Variants in TTBK2 observed in about 807,000 individuals in gnomAD.
TTBK2 encodes tau-tubulin kinase 2.
TTBK2 carries 28 observed loss-of-function variants against 110.8 expected under a neutral mutation model. That is an observed-to-expected ratio of 0.25 (90% CI 0.19 to 0.35). TTBK2 has a LOEUF of 0.35. Ranked by LOEUF, TTBK2 falls within the 10% of genes least tolerant of loss-of-function variation. TTBK2 has a pLI of 1.00. For synonymous variants in TTBK2, 532 were observed against 527.3 expected, an observed-to-expected ratio of 1.01 and a Z score of -0.12; for missense variants, 1,369 against 1,500.3, an observed-to-expected ratio of 0.91 and a Z score of 1.45.
chr15:42,816,085 A>AAT (rs71431870), intron 7 of TTBK2, among the ~76,000 whole-genome samples: 5,337 of 67,302 alleles, frequency 0.079, 227 homozygotes, highest in Non-Finnish European at 0.093. Flanking sequence ...TAAATAAATA[A>AAT]ATATATATAT....
intron 3 of TTBK2, among the ~76,000 whole-genome samples, chr15:42,864,575 A>G (rs1474632958): frequency 1.3e-5 from 2 of 151,220 alleles, no homozygotes; most frequent in African/African-American, 4.9e-5. Context: ...TAAGAACGAA[A>G]CTCCATCTCA....
chr15:42,805,876 G>A (rs1595931233), intron 9 of TTBK2, among the ~76,000 whole-genome samples: 1 of 152,214 alleles, frequency 6.6e-6, no homozygotes, highest in South Asian at 2.1e-4. Flanking sequence ...TATGGGCAGA[G>A]CCTGGATTTT....
chr15:42,865,575 C>T (rs1894342082), intron 3 of TTBK2, among the ~76,000 whole-genome samples: 1 of 150,868 alleles, frequency 6.6e-6, no homozygotes, highest in Non-Finnish European at 1.5e-5. Context: ...GTAATCCCAG[C>T]ACTTTGTGAG....
intron 13 of TTBK2, 96 bp from the exon 14 acceptor site, chr15:42,753,343 G>C (rs1777424694): frequency 7.7e-6 from 10 of 1,299,602 alleles, no homozygotes; most frequent in Non-Finnish European, 1.1e-5. Flanking sequence ...TAATTTATAG[G>C]AAGAACACAG....
chr15:42,864,369 G>T (rs977584366), intron 3 of TTBK2, among the ~76,000 whole-genome samples: 4 of 152,138 alleles, frequency 2.6e-5, no homozygotes, highest in Non-Finnish European at 5.9e-5. Flanking sequence ...CAGATCACCT[G>T]AAGTCAGGAG....
At chr15:42,790,782 C>G (rs1478179552) in intron 10 of TTBK2, among the ~76,000 whole-genome samples, 1 of 152,144 alleles carries the variant, frequency 6.6e-6, no homozygotes, top group East Asian at 1.9e-4. Context: ...TCACTGCAAC[C>G]TCTGCCTCAC....
rs567147899 is a variant in TTBK2 at position 42,802,929 on chromosome 15, C to T, written c.822+7685G>A. ...GAAAAATGTGAAAAGGTGAGGCTGG[C>T]GTAGCCTCCCAGCCTACATCTTTCT... is the stretch of plus-strand genomic sequence containing the variant. On this transcript the variant is annotated intron_variant, in intron 9 of 14. Transcript: ENST00000267890. Among the ~76,000 whole-genome samples the T allele has an allele frequency of 4.5e-4, 69 of 152,260 alleles. 1 individual carries two copies. The highest frequency in any genetic ancestry group is 1.5e-3 in the African/African-American group (61 of 41,556).
intron 3 of TTBK2, among the ~76,000 whole-genome samples, chr15:42,861,134 G>T (rs113221941): frequency 0.016 from 2,429 of 152,150 alleles, 30 homozygotes; most frequent in South Asian, 0.025. Context: ...CCTATGAAAA[G>T]ACTTAGCCCC....
At chr15:42,852,539 C>A (rs774525753) in intron 3 of TTBK2, among the ~76,000 whole-genome samples, 2 of 152,184 alleles carry the variant, frequency 1.3e-5, no homozygotes, top group African/African-American at 4.8e-5. Flanking sequence ...GTTCTTTGTG[C>A]ATATGGAGCA....
intron 1 of TTBK2, among the ~76,000 whole-genome samples, chr15:42,899,072 A>C (rs1895779305): frequency 6.6e-6 from 1 of 152,104 alleles, no homozygotes; most frequent in East Asian, 1.9e-4. Context: ...AGCTCTCTGA[A>C]AACTCCACCT....
chr15:42,776,816 C>T lies in TTBK2; in HGVS notation c.1409+215G>A, dbSNP rs11854550. 112,834 of 605,500 alleles carry T rather than the reference C, an allele frequency of 0.19. 11,130 individuals carry two copies. The highest frequency in any genetic ancestry group is 0.29 in the Admixed American group (9,299 of 32,608). 37.5% of individuals were successfully genotyped at this position (605,500 alleles called of 1,614,324 possible). Reference sequence around the variant, plus strand: ...CTGCTCAGCTTCCAAAGCCAAAGGACATGCTATAGAATTTATAATAATTAA... The same window carrying T: ...CTGCTCAGCTTCCAAAGCCAAAGGATATGCTATAGAATTTATAATAATTAA... On this transcript the variant is annotated intron_variant, in intron 12 of 14. Transcript: ENST00000267890.
chr15:42,783,640 A>C lies in TTBK2; in HGVS notation c.981-5T>G. 6.2e-7 allele frequency: 1 copy of C among 1,609,520 alleles called. No homozygotes were observed. The highest frequency in any genetic ancestry group is 8.5e-7 in the Non-Finnish European group (1 of 1,175,878). Reference sequence around the variant, plus strand: ...ATGGGAGTAGCATTGGCAATTCTACATATGAAGGGAGAAAAAAAAGGCAAG... The same window carrying C: ...ATGGGAGTAGCATTGGCAATTCTACCTATGAAGGGAGAAAAAAAAGGCAAG... On this transcript the variant is annotated splice_region_variant and splice_polypyrimidine_tract_variant and intron_variant, in intron 10 of 14. Transcript: ENST00000267890.
intron 10 of TTBK2, among the ~76,000 whole-genome samples, chr15:42,792,502 C>G (rs972095654): frequency 6.6e-6 from 1 of 152,138 alleles, no homozygotes; most frequent in Non-Finnish European, 1.5e-5. Context: ...AATTCATCAT[C>G]TGATCTATCA....
chr15:42,763,905 T>C (rs1165639140), intron 13 of TTBK2, among the ~76,000 whole-genome samples: 1 of 152,348 alleles, frequency 6.6e-6, no homozygotes, highest in East Asian at 1.9e-4. Flanking sequence ...TCACTCATTA[T>C]TGAAAGTTTA....
chr15:42,871,391 C>A (rs773616784), intron 3 of TTBK2: 2 of 963,166 alleles, frequency 2.1e-6, no homozygotes, highest in Non-Finnish European at 2.5e-6. Flanking sequence ...AAACCATACA[C>A]AAAATAAGCA....
chr15:42,764,275 T>C (rs1889248380), intron 13 of TTBK2, among the ~76,000 whole-genome samples: 1 of 152,060 alleles, frequency 6.6e-6, no homozygotes, highest in African/African-American at 2.4e-5. Context: ...GTCCAGCCCA[T>C]GGAGGGCAAG....
At chr15:42,894,886 T>C (rs1346279164) in intron 1 of TTBK2, among the ~76,000 whole-genome samples, 3 of 152,184 alleles carry the variant, frequency 2.0e-5, no homozygotes, top group African/African-American at 7.2e-5. Context: ...TGGTTTATCC[T>C]GGGGATGCAA....
chr15:42,758,043 T>A (rs1348423078), intron 13 of TTBK2, among the ~76,000 whole-genome samples: 1 of 152,224 alleles, frequency 6.6e-6, no homozygotes, highest in African/African-American at 2.4e-5. Context: ...CCAACTACCA[T>A]TTGCATTTTA....
rs768354393 is a variant in TTBK2 at position 42,811,767 on chromosome 15, T to C, written c.617A>G (p.His206Arg). Residue 206 changes from histidine to arginine, a missense_variant, in exon 8 of 15, where the codon CAT (histidine) becomes CGT (arginine). By Grantham distance (29) the His-to-Arg change is conservative. This residue lies in a region of TTBK2 where 138 missense variants were observed against 179.0 expected (regional missense o/e 0.77). Transcript: ENST00000267890. ...GTAGAATAAGGACCAAAGGTCATCATGTCTTCCCATTTCCTTCATAAACAA... is the reference window on the plus strand; with the variant it reads ...GTAGAATAAGGACCAAAGGTCATCACGTCTTCCCATTTCCTTCATAAACAA... ...NAHRNREMGR[H>R]DDLWSLFYML... is the part of the protein sequence containing the mutation. 1 of 1,613,660 alleles carries C rather than the reference T, an allele frequency of 6.2e-7. No individual in the cohort carries two copies. The highest frequency in any genetic ancestry group is 1.7e-5 in the Admixed American group (1 of 60,020).
Sources: allele counts gnomAD v4.1 joint callset (sites outside exome capture counted in the v4.1 genomes callset), GRCh38; gene constraint gnomAD v4.1.1; regional missense constraint gnomAD v4.1.1; transcripts MANE v1.5; gene names NCBI Gene and HGNC (gene_info 2026-07-23, HGNC 2026-07-21).